Variants in LTBP1 observed in about 807,000 individuals in gnomAD.
LTBP1 encodes the protein latent-transforming growth factor beta-binding protein 1.
A neutral mutation model predicts 207.6 loss-of-function variants in LTBP1; 129 were observed. The ratio of observed to expected loss-of-function variants is 0.62; its 90% CI spans 0.54 to 0.72. LTBP1 has a LOEUF of 0.72. Ranked by LOEUF, LTBP1 falls within the 30% of genes least tolerant of loss-of-function variation. LTBP1 has a pLI of 0.00. For synonymous variants in LTBP1, 963 were observed against 833.7 expected (o/e 1.16, Z -2.67); for missense variants, 2,281 against 2,217.2 (o/e 1.03, Z -0.58).
chr2:33,292,146 C>G (rs1205787202), intron 19 of LTBP1, among the ~76,000 whole-genome samples: 1 of 152,086 alleles, frequency 6.6e-6, no homozygotes, highest in African/African-American at 2.4e-5. Flanking sequence ...CAGGGCCATT[C>G]AAATGGAGCA....
chr2:33,319,549 T>C (rs747135676), intron 24 of LTBP1, among the ~76,000 whole-genome samples: 1 of 152,054 alleles, frequency 6.6e-6, no homozygotes, highest in Non-Finnish European at 1.5e-5. Flanking sequence ...CCATGGCCCA[T>C]GGGGAAAAAC....
intron 7 of LTBP1, among the ~76,000 whole-genome samples, 158 bp downstream of exon 7, chr2:33,189,009 C>G (rs570994858): frequency 3.9e-5 from 6 of 152,300 alleles, no homozygotes; most frequent in Non-Finnish European, 8.8e-5. Context: ...TATTGCCACA[C>G]TCATAGCCAC....
intron 7 of LTBP1, among the ~76,000 whole-genome samples, chr2:33,204,808 A>G (rs566488707): frequency 7.9e-5 from 12 of 152,350 alleles, no homozygotes; most frequent in African/African-American, 2.4e-4. Flanking sequence ...TTGACCTTCA[A>G]AACAATCAGG....
chr2:33,378,565 C>T (rs2095173456), intron 31 of LTBP1, among the ~76,000 whole-genome samples: 2 of 152,088 alleles, frequency 1.3e-5, no homozygotes. Flanking sequence ...ATTTGCTCTT[C>T]TTTTTTTCCT....
At chr2:33,296,778 G>A (rs77974285) in intron 20 of LTBP1, among the ~76,000 whole-genome samples, 2,378 of 152,164 alleles carry the variant, frequency 0.016, 72 homozygotes, top group African/African-American at 0.055. Context: ...GTCCTGATGC[G>A]TAGAAGCTGT....
At chr2:33,005,828 C>A (rs1427823207) in intron 2 of LTBP1, among the ~76,000 whole-genome samples, 3 of 152,144 alleles carry the variant, frequency 2.0e-5, no homozygotes. Flanking sequence ...CTCAGGTGAT[C>A]TGCCTGCCTT....
intron 23 of LTBP1, among the ~76,000 whole-genome samples, chr2:33,311,921 A>T (rs1162266683): frequency 1.3e-5 from 2 of 152,212 alleles, no homozygotes; most frequent in African/African-American, 4.8e-5. Context: ...GAATAAGTTA[A>T]TATGTCTGAA....
chr2:33,345,565 C>G (rs17644831), intron 25 of LTBP1, among the ~76,000 whole-genome samples: 1 of 152,176 alleles, frequency 6.6e-6, no homozygotes, highest in African/African-American at 2.4e-5. Flanking sequence ...CTCAATATGA[C>G]TGTCGGTTGA....
rs568185858 is a variant in LTBP1 at position 33,389,761 on chromosome 2, T to G, written c.4834+455T>G. 9.8e-4 allele frequency among the ~76,000 whole-genome samples: 149 copies of G among 152,274 alleles called. 1 individual carries two copies. In the South Asian group the frequency reaches 1.0e-2, roughly 10 times the overall value. ...TTCAAGCGATTCTGCTGCCTCAGCC[T>G]CCCAAGTAGCTGGGATTGCAGGCAC... On this transcript the variant is annotated intron_variant, in intron 32 of 33. Coordinates refer to ENST00000404816, the MANE Select transcript of LTBP1 (RefSeq NM_206943.4).
intron 7 of LTBP1, among the ~76,000 whole-genome samples, chr2:33,207,056 A>G (rs765164177): frequency 3.9e-5 from 6 of 152,204 alleles, no homozygotes; most frequent in Non-Finnish European, 7.3e-5. Context: ...TAAGAGCAAA[A>G]CACACATATC....
chr2:33,392,689 G>T (rs2095325251), intron 32 of LTBP1, among the ~76,000 whole-genome samples: 1 of 152,154 alleles, frequency 6.6e-6, no homozygotes, highest in African/African-American at 2.4e-5. Context: ...GAAGTATTTT[G>T]GGGAGCCTGC....
At chr2:33,149,013 G>T (rs1314376997) in intron 5 of LTBP1, among the ~76,000 whole-genome samples, 1 of 152,024 alleles carries the variant, frequency 6.6e-6, no homozygotes, top group Non-Finnish European at 1.5e-5. Context: ...AGGAGATCGA[G>T]ACCATTCTGG....
chr2:32,949,583 C>T (rs971808660), intron 2 of LTBP1, among the ~76,000 whole-genome samples: 1 of 152,138 alleles, frequency 6.6e-6, no homozygotes, highest in African/African-American at 2.4e-5. Context: ...AAATTTTTCT[C>T]CTATGCATTG....
chr2:33,208,360 A>G lies in LTBP1; in HGVS notation c.1702-9192A>G, dbSNP rs375796127. Among the ~76,000 whole-genome samples, 25 of 152,344 alleles carry G rather than the reference A, an allele frequency of 1.6e-4. No homozygotes were observed. The East Asian group carries it at 3.9e-3, about 23-fold the overall frequency. ...TCTGAGATCTTGCCTATTGATAATT[A>G]TATCATTCATTATAGCTACCCAATA... On this transcript the variant is annotated intron_variant, in intron 7 of 33. Transcript: ENST00000404816.
chr2:33,317,441 G>A (rs771891100), intron 24 of LTBP1, among the ~76,000 whole-genome samples: 22 of 152,008 alleles, frequency 1.4e-4, no homozygotes, highest in Non-Finnish European at 3.1e-4. Flanking sequence ...TTTTTTATGG[G>A]CTTAATCCAA....
rs1288207304 is a variant in LTBP1 at position 33,347,508 on chromosome 2, CAGGTAA to C, written c.3999_4000+4del. On this transcript the variant is annotated splice_donor_variant and splice_donor_region_variant and coding_sequence_variant and intron_variant, in exon 26 of 34. Coordinates refer to ENST00000404816, the MANE Select transcript of LTBP1 (RefSeq NM_206943.4). LOFTEE classifies it high-confidence loss of function. ...GGGCAGTGCCGCTCCCGGACCTCCA[CAGGTAA>C]GTCCCAGTGACACTGTGCAAGGGAA... The C allele has an allele frequency of 6.2e-7, 1 of 1,614,068 alleles. No individual in the cohort carries two copies. The highest frequency in any genetic ancestry group is 1.1e-5 in the South Asian group (1 of 91,070).
chr2:33,284,783 G>T (rs2093630441), intron 19 of LTBP1, among the ~76,000 whole-genome samples: 1 of 152,176 alleles, frequency 6.6e-6, no homozygotes, highest in Admixed American at 6.5e-5. Flanking sequence ...CAGAGTTTGG[G>T]CTACATGACC....
At chr2:33,369,736 ACTTTT>A (rs2095045191) in intron 31 of LTBP1, among the ~76,000 whole-genome samples, 1 of 152,164 alleles carries the variant, frequency 6.6e-6, no homozygotes, top group Non-Finnish European at 1.5e-5. Context: ...ACACAGGGGA[ACTTTT>A]CTTTTATACT....
At chr2:33,245,035 C>T (rs1221971974) in intron 10 of LTBP1, among the ~76,000 whole-genome samples, 2 of 152,056 alleles carry the variant, frequency 1.3e-5, no homozygotes, top group Non-Finnish European at 2.9e-5. Context: ...TGTGCTACCA[C>T]GCCCAGCTAA....
Sources: allele counts gnomAD v4.1 joint callset (sites outside exome capture counted in the v4.1 genomes callset), GRCh38; gene constraint gnomAD v4.1.1; transcripts MANE v1.5; gene names NCBI Gene and HGNC (gene_info 2026-07-23, HGNC 2026-07-21).